The following OLFM1 variants were observed in gnomAD, a reference collection of about 807,000 sequenced individuals.
OLFM1 encodes noelin.
Under a neutral mutation model 49.7 loss-of-function variants are expected in OLFM1, and 9 were observed. The ratio of observed to expected loss-of-function variants is 0.18; its 90% CI spans 0.11 to 0.32. The LOEUF (loss-of-function observed/expected upper bound fraction) is 0.32, where lower values mean the gene tolerates loss of function less well. OLFM1 is among the 10% of genes least tolerant of loss of function. OLFM1 has a pLI of 1.00. For synonymous variants in OLFM1, 240 were observed against 271.8 expected, an observed-to-expected ratio of 0.88 and a Z score of 1.15; for missense variants, 369 against 661.8, an observed-to-expected ratio of 0.56 and a Z score of 4.85.
At position 135,088,140 on chromosome 9, in the gene OLFM1, G is replaced by A; in HGVS notation, c.150+1G>A. On this transcript the variant is annotated splice_donor_variant, in intron 1 of 5. Transcript: ENST00000371793. LOFTEE classifies it high-confidence loss of function. The surrounding 1 kb of genome is among the most constrained non-coding windows in gnomAD (Gnocchi z 4.8). ...CGGGACGCTGGACCGCAGCACCGGCGTAAGTGCGCCCGCCGGCCGCCTTGG... is the reference window on the plus strand; with the variant it reads ...CGGGACGCTGGACCGCAGCACCGGCATAAGTGCGCCCGCCGGCCGCCTTGG... The A allele has an allele frequency of 3.7e-6, 5 of 1,340,834 alleles. No individual in the cohort carries two copies. Among genetic ancestry groups the A allele is most frequent in the Non-Finnish European group, 4.8e-6 (5 of 1,032,506 alleles). The allele number at this position is 1,340,834 out of a possible 1,614,324, so 83.1% of individuals were successfully genotyped here. A position where few individuals can be genotyped will look rare whatever the true frequency, so the allele number is the denominator to read the frequency against.
upstream of OLFM1, among the ~76,000 whole-genome samples, chr9:135,083,729 T>G (rs966422361): frequency 4.6e-5 from 7 of 152,354 alleles, no homozygotes; most frequent in African/African-American, 1.2e-4. Context: ...GGGGCACCTC[T>G]GGCTCACATG....
Position 135,120,188 on chromosome 9 carries a change from C to T in OLFM1, c.*10C>T, listed in dbSNP as rs1287363768. ...CTCCGACGAGTTGTAGCTCCCTCCT[C>T]CTGGAAGCCAAGGGCCCACGTCCTC... is the stretch of plus-strand genomic sequence containing the variant. On this transcript the variant is annotated 3_prime_UTR_variant, in exon 6 of 6. Transcript: ENST00000371793. 7.5e-6 allele frequency: 12 copies of T among 1,597,880 alleles called. No homozygotes were observed. The South Asian group carries it at 9.1e-5, about 12-fold the overall frequency.
intron 2 of OLFM1, among the ~76,000 whole-genome samples, chr9:135,091,768 GT>G (rs1564271050): frequency 3.5e-5 from 1 of 28,512 alleles, no homozygotes; most frequent in East Asian, 9.1e-4. Context: ...CACTCACACA[GT>G]CACACACACA....
At chr9:135,076,920 G>C (rs1371734579) in intron 1 of OLFM1, 3 of 1,550,638 alleles carry the variant, frequency 1.9e-6, no homozygotes, top group Admixed American at 2.0e-5. Flanking sequence ...GGAAGCCCAC[G>C]CTGGCTCCCT....
chr9:135,079,026 A>C (rs1211190941), intron 1 of OLFM1, among the ~76,000 whole-genome samples: 1 of 152,128 alleles, frequency 6.6e-6, no homozygotes, highest in Non-Finnish European at 1.5e-5. Context: ...TCCTCTCCTT[A>C]GACAAGCATT....
rs191421540 is a variant in OLFM1, at chr9:135,088,908, T to C, written c.150+769T>C. On this transcript the variant is annotated intron_variant, in intron 1 of 5. Transcript: ENST00000371793. The surrounding 1 kb of genome is among the most constrained non-coding windows in gnomAD (Gnocchi z 4.8). ...GCGGGAGGGGAACCGTGGCCGGGGC[T>C]GCTTCTGGGCAGAGCTGACTTAGAT... Among the ~76,000 whole-genome samples the C allele has an allele frequency of 0.01, 1,566 of 152,284 alleles. 22 individuals carry two copies. Among genetic ancestry groups the C allele is most frequent in the South Asian group, 0.034 (166 of 4,828 alleles).
intron 1 of OLFM1, among the ~76,000 whole-genome samples, chr9:135,079,204 T>A (rs1243352728): frequency 6.6e-6 from 1 of 152,080 alleles, no homozygotes; most frequent in East Asian, 1.9e-4. Context: ...CTGCACCGAG[T>A]GCTCTGGGTA....
rs1031484084 is a variant in OLFM1, at chr9:135,080,878, G to A, written c.96+5076G>A. Among the ~76,000 whole-genome samples, 8 of 152,022 alleles carry A rather than the reference G, an allele frequency of 5.3e-5. No homozygotes were observed. Among genetic ancestry groups the A allele is most frequent in the Non-Finnish European group, 8.8e-5 (6 of 68,010 alleles). ...GCTGTCCCGACTGGCACCGCAGGGC[G>A]ACCGAAGGGAGGGGAAGAGAGAACA... On this transcript the variant is annotated intron_variant, in intron 1 of 5. Transcript: ENST00000252854. The surrounding 1 kb of genome is among the most constrained non-coding windows in gnomAD (Gnocchi z 4.5).
chr9:135,080,347 G>T lies in OLFM1; in HGVS notation c.96+4545G>T, dbSNP rs922003120. ...AGGGGATGGAGTGCACGGGTAGGGG[G>T]AAGAGTTCAGGTGAAATTGGGGTCT... On this transcript the variant is annotated intron_variant, in intron 1 of 5. Transcript: ENST00000252854. The surrounding 1 kb of genome is among the most constrained non-coding windows in gnomAD (Gnocchi z 4.5). 2.0e-5 allele frequency among the ~76,000 whole-genome samples: 3 copies of T among 152,214 alleles called. No homozygotes were observed. The highest frequency in any genetic ancestry group is 6.5e-5 in the Admixed American group (1 of 15,284).
At chr9:135,075,911 G>T in intron 1 of OLFM1, 1 of 1,416,924 alleles carries the variant, frequency 7.1e-7, no homozygotes. Context: ...CCGCGCCCCC[G>T]GCCTGGGCGC....
At chr9:135,092,817 T>TG (rs1830734455) in intron 2 of OLFM1, among the ~76,000 whole-genome samples, 1 of 152,258 alleles carries the variant, frequency 6.6e-6, no homozygotes, top group Non-Finnish European at 1.5e-5. Flanking sequence ...TCAGAGGGCA[T>TG]GAGCCATTTG....
At position 135,090,414 on chromosome 9, in the gene OLFM1, C is replaced by T. The variant is rs2119102837; in HGVS notation, c.300+70C>T. 2.7e-6 allele frequency: 4 copies of T among 1,473,064 alleles called. No individual in the cohort carries two copies. In the East Asian group the frequency reaches 7.2e-5, roughly 27 times the overall value. The allele number at this position is 1,473,064 out of a possible 1,614,324, so 91.2% of individuals were successfully genotyped here. ...TGTGTGTGTGTGTGTGTGTACATGC[C>T]TGTGTGCTCACACCAGCACCAAGGC... is the stretch of plus-strand genomic sequence containing the variant. On this transcript the variant is annotated intron_variant, in intron 2 of 5. Coordinates refer to ENST00000371793, the MANE Select transcript of OLFM1 (RefSeq NM_001282611.2).
chr9:135,075,686 G>T, exon 1 of OLFM1: 1 of 1,560,970 alleles, frequency 6.4e-7, no homozygotes, highest in Non-Finnish European at 8.6e-7. Flanking sequence ...GCCGCCGGCC[G>T]GCCAGCACCC....
At chr9:135,094,890 A>G (rs571174424) in intron 2 of OLFM1, among the ~76,000 whole-genome samples, 1 of 152,322 alleles carries the variant, frequency 6.6e-6, no homozygotes, top group South Asian at 2.1e-4. Flanking sequence ...AGGAGTGAAG[A>G]TTTGCTGTCA....
chr9:135,075,542 C>G (rs1224459336), exon 1 of OLFM1: 2 of 435,790 alleles, frequency 4.6e-6, no homozygotes, highest in South Asian at 8.7e-5. Context: ...ATATGCAGAG[C>G]GGAGGCTTCG....
intron 5 of OLFM1, among the ~76,000 whole-genome samples, chr9:135,115,562 G>A (rs373442724): frequency 1.1e-3 from 169 of 152,348 alleles, no homozygotes; most frequent in African/African-American, 3.6e-3. Flanking sequence ...ATCATGCCTC[G>A]TTGCAGGGGG....
At chr9:135,081,842 C>T (rs2119087814) in intron 1 of OLFM1, among the ~76,000 whole-genome samples, 1 of 152,304 alleles carries the variant, frequency 6.6e-6, no homozygotes, top group East Asian at 1.9e-4. Context: ...AGGCTCTAAA[C>T]TGCCCGACAC....
chr9:135,097,078 C>T (rs1435528536), intron 3 of OLFM1, among the ~76,000 whole-genome samples: 1 of 152,160 alleles, frequency 6.6e-6, no homozygotes, highest in Non-Finnish European at 1.5e-5. Context: ...CACAGCCTCG[C>T]CCGACTAGAA....
chr9:135,093,970 C>G (rs1232507037), intron 2 of OLFM1, among the ~76,000 whole-genome samples: 2 of 152,174 alleles, frequency 1.3e-5, no homozygotes, highest in African/African-American at 4.8e-5. Context: ...TCTTTGAAAT[C>G]TTTTAAAAGC....
Sources: allele counts gnomAD v4.1 joint callset (sites outside exome capture counted in the v4.1 genomes callset), GRCh38; gene constraint gnomAD v4.1.1; non-coding constraint Gnocchi (gnomAD v3.1); transcripts MANE v1.5; gene names NCBI Gene and HGNC (gene_info 2026-07-23, HGNC 2026-07-21).